Variants in MAML3 observed in about 807,000 individuals in gnomAD.
MAML3 encodes the protein mastermind like transcriptional coactivator 3.
MAML3 carries 27 observed loss-of-function variants against 101.9 expected under a neutral mutation model. The observed-to-expected ratio is 0.27, with a 90% CI of 0.20 to 0.37. MAML3 has a LOEUF of 0.37. Ranked by LOEUF, MAML3 falls within the 10% of genes least tolerant of loss-of-function variation. The probability of loss-of-function intolerance (pLI) is 1.00; values close to 1 mark genes in which losing one functional copy is unlikely to be tolerated. For synonymous variants in MAML3, 501 were observed against 555.9 expected (o/e 0.90, Z 1.39); for missense variants, 1,316 against 1,444.9 (o/e 0.91, Z 1.45).
rs1255341585 is a variant in MAML3, at chr4:139,735,534, A to T, written c.2080-4867T>A. On this transcript the variant is annotated intron_variant, in intron 2 of 4. Coordinates refer to ENST00000509479, the MANE Select transcript of MAML3 (RefSeq NM_018717.5). This position sits in a 1 kb window ranked among gnomAD's most constrained non-coding sequence, Gnocchi z 5.8. ...AGCCCGGGAGGGACCGGGTTCCAGG[A>T]CCCCAGCTGCACAAAGCCGGCCCGG... Among the ~76,000 whole-genome samples, 1 of 151,404 alleles carries T rather than the reference A, an allele frequency of 6.6e-6. No homozygotes were observed. Among genetic ancestry groups the T allele is most frequent in the African/African-American group, 2.4e-5 (1 of 41,124 alleles).
chr4:140,072,307 C>A (rs534126106), intron 1 of MAML3, among the ~76,000 whole-genome samples: 1 of 152,262 alleles, frequency 6.6e-6, no homozygotes, highest in African/African-American at 2.4e-5. Context: ...ATTCTCTCAA[C>A]AATACAGTGT....
Position 139,756,280 on chromosome 4 carries a change from A to G in MAML3, c.2080-25613T>C, listed in dbSNP as rs1018469197. ...ATTTTGAAAAATATGATGTGCACTG[A>G]TAAAACATTATTCACTTTTAAAGTC... On this transcript the variant is annotated intron_variant, in intron 2 of 4. Transcript: ENST00000509479. 6.6e-5 allele frequency among the ~76,000 whole-genome samples: 10 copies of G among 152,206 alleles called. 1 individual carries two copies. Among genetic ancestry groups the G allele is most frequent in the Non-Finnish European group, 4.4e-5 (3 of 68,046 alleles).
chr4:140,091,498 G>C (rs1370932301), intron 1 of MAML3, among the ~76,000 whole-genome samples: 1 of 136,250 alleles, frequency 7.3e-6, no homozygotes, highest in African/African-American at 2.7e-5. Flanking sequence ...CTTTCAACTA[G>C]AGGGAATGAT....
chr4:139,788,726 G>A (rs765176091), intron 2 of MAML3, among the ~76,000 whole-genome samples: 17 of 152,328 alleles, frequency 1.1e-4, no homozygotes, highest in Middle Eastern at 3.4e-3. Flanking sequence ...AGAAATTTCC[G>A]TCAAAGAGGA....
chr4:139,853,914 TG>T (rs1731606180), intron 2 of MAML3, among the ~76,000 whole-genome samples: 1 of 151,978 alleles, frequency 6.6e-6, no homozygotes, highest in Non-Finnish European at 1.5e-5. Flanking sequence ...CTCTGCCTCC[TG>T]GGTTCAAGCG....
chr4:139,863,603 C>G (rs1042188609), intron 2 of MAML3, among the ~76,000 whole-genome samples: 2 of 152,036 alleles, frequency 1.3e-5, no homozygotes, highest in African/African-American at 2.4e-5. Flanking sequence ...TCCCACAGTG[C>G]TGGGATTACA....
chr4:140,124,286 T>G (rs1728652948), intron 1 of MAML3, among the ~76,000 whole-genome samples: 1 of 152,152 alleles, frequency 6.6e-6, no homozygotes, highest in East Asian at 1.9e-4. Flanking sequence ...AAGCTGAAAA[T>G]GATGGCTACT....
chr4:140,136,138 T>G (rs1043225751), intron 1 of MAML3, among the ~76,000 whole-genome samples: 2 of 152,158 alleles, frequency 1.3e-5, no homozygotes, highest in African/African-American at 4.8e-5. Flanking sequence ...ACCTTTTGGC[T>G]CTCCCCACTC....
chr4:139,864,923 C>CTTG (rs56928318), intron 2 of MAML3, among the ~76,000 whole-genome samples: 18,212 of 62,400 alleles, frequency 0.29, 6,489 homozygotes, highest in South Asian at 0.42. Flanking sequence ...TGCAAACTTG[C>CTTG]TTTTTTTTTT....
At chr4:139,835,466 T>C (rs1731241847) in intron 2 of MAML3, among the ~76,000 whole-genome samples, 1 of 152,224 alleles carries the variant, frequency 6.6e-6, no homozygotes, top group Non-Finnish European at 1.5e-5. Context: ...CCTATGGCTT[T>C]CTATGAACCA....
intron 2 of MAML3, among the ~76,000 whole-genome samples, chr4:139,825,966 G>A (rs1055882598): frequency 2.0e-5 from 3 of 152,104 alleles, no homozygotes; most frequent in African/African-American, 2.4e-5. Flanking sequence ...GTAACCCGGG[G>A]TCGGGATATC....
intron 1 of MAML3, among the ~76,000 whole-genome samples, chr4:139,992,994 TC>T (rs1340679361): frequency 6.6e-6 from 1 of 152,252 alleles, no homozygotes; most frequent in Non-Finnish European, 1.5e-5. Flanking sequence ...TCTATTTAAA[TC>T]TTTTGCTCAT....
chr4:139,720,747 A>G (rs1169542358), intron 4 of MAML3, among the ~76,000 whole-genome samples: 2 of 152,230 alleles, frequency 1.3e-5, no homozygotes, highest in Non-Finnish European at 2.9e-5. Flanking sequence ...CTCAACCAAT[A>G]AGATACTATT....
At chr4:140,116,811 T>C (rs779044233) in intron 1 of MAML3, among the ~76,000 whole-genome samples, 13 of 152,228 alleles carry the variant, frequency 8.5e-5, no homozygotes, top group Non-Finnish European at 1.8e-4. Flanking sequence ...GGATTGTTAT[T>C]GATGACAAAA....
chr4:139,942,546 C>T (rs968083426), intron 1 of MAML3, among the ~76,000 whole-genome samples: 3 of 152,088 alleles, frequency 2.0e-5, no homozygotes, highest in African/African-American at 4.8e-5. Flanking sequence ...GGTCACTCGG[C>T]CCCCTTTGTT....
chr4:139,995,598 A>AT (rs1201933410), intron 1 of MAML3, among the ~76,000 whole-genome samples: 1 of 152,058 alleles, frequency 6.6e-6, no homozygotes, highest in African/African-American at 2.4e-5. Context: ...CTGTGATTTA[A>AT]TTTATTTGAT....
At chr4:139,958,990 G>C (rs749699769) in intron 1 of MAML3, among the ~76,000 whole-genome samples, 5 of 151,962 alleles carry the variant, frequency 3.3e-5, no homozygotes, top group Non-Finnish European at 7.4e-5. Flanking sequence ...GGCTATCCTG[G>C]GTGAGGGATG....
At chr4:139,800,159 A>G (rs1730579300) in intron 2 of MAML3, among the ~76,000 whole-genome samples, 1 of 152,178 alleles carries the variant, frequency 6.6e-6, no homozygotes, top group Admixed American at 6.5e-5. Flanking sequence ...TCATACTTAG[A>G]AAAAAATGTT....
chr4:140,047,924 G>C (rs1727208440), intron 1 of MAML3, among the ~76,000 whole-genome samples: 1 of 152,120 alleles, frequency 6.6e-6, no homozygotes, highest in African/African-American at 2.4e-5. Context: ...CTAAGAAAAA[G>C]ATAGGCTCTT....
Sources: allele counts gnomAD v4.1 joint callset (sites outside exome capture counted in the v4.1 genomes callset), GRCh38; gene constraint gnomAD v4.1.1; non-coding constraint Gnocchi (gnomAD v3.1); transcripts MANE v1.5; gene names NCBI Gene and HGNC (gene_info 2026-07-23, HGNC 2026-07-21).